RERE: variants seen among roughly 807,000 people sequenced by gnomAD.
RERE encodes arginine-glutamic acid dipeptide repeats protein.
In RERE, 40 loss-of-function variants were observed where a neutral mutation model predicts 146.1. The observed-to-expected ratio is 0.27, with a 90% CI of 0.21 to 0.36. The LOEUF (loss-of-function observed/expected upper bound fraction) is 0.36. RERE is among the 10% of genes least tolerant of loss of function. The probability of loss-of-function intolerance (pLI) is 1.00; values close to 1 mark genes in which losing one functional copy is unlikely to be tolerated. For missense variants in RERE, 1,933 were observed against 2,138.7 expected (o/e 0.90, Z 1.90); for synonymous variants, 1,003 against 866.0 (o/e 1.16, Z -2.78).
At chr1:8,380,617 G>T in intron 12 of RERE, 1 of 353,116 alleles carries the variant, frequency 2.8e-6, no homozygotes, top group Non-Finnish European at 5.6e-6. Flanking sequence ...AAAGTGCTGG[G>T]ATTACAGGCG....
At chr1:8,814,969 C>T (rs1022627893) in intron 1 of RERE, among the ~76,000 whole-genome samples, 41 of 152,208 alleles carry the variant, frequency 2.7e-4, no homozygotes, top group African/African-American at 9.2e-4. Flanking sequence ...GGGGAAGTGG[C>T]ATTTGCAGAA....
intron 4 of RERE, among the ~76,000 whole-genome samples, chr1:8,588,490 C>CT (rs1169530039): frequency 6.6e-6 from 1 of 152,094 alleles, no homozygotes; most frequent in East Asian, 1.9e-4. Flanking sequence ...TAACTCTGGC[C>CT]TAGGGCATCC....
At chr1:8,589,017 G>A (rs903629236) in intron 4 of RERE, among the ~76,000 whole-genome samples, 2 of 151,988 alleles carry the variant, frequency 1.3e-5, no homozygotes, top group Non-Finnish European at 2.9e-5. Context: ...CCAGCTACTT[G>A]GGAGGATGAG....
At chr1:8,573,901 G>GCTCAAGCTCTCCTCCTAC (rs1553186987) in intron 4 of RERE, among the ~76,000 whole-genome samples, 2 of 152,104 alleles carry the variant, frequency 1.3e-5, no homozygotes, top group African/African-American at 4.8e-5. Context: ...GACCTCCTGG[G>GCTCAAGCTCTCCTCCTAC]CTCAAGCTCT....
At chr1:8,411,327 T>C (rs1643609817) in intron 12 of RERE, among the ~76,000 whole-genome samples, 1 of 151,778 alleles carries the variant, frequency 6.6e-6, no homozygotes, top group Admixed American at 6.6e-5. Flanking sequence ...CTTTTTTTTT[T>C]TTTTTTTAAA....
intron 12 of RERE, among the ~76,000 whole-genome samples, chr1:8,379,295 C>T (rs1642364580): frequency 2.0e-5 from 3 of 152,052 alleles, no homozygotes; most frequent in African/African-American, 4.8e-5. Flanking sequence ...GGGCTGGGCC[C>T]GCCCCGCACA....
chr1:8,668,079 A>G (rs376489700), intron 1 of RERE, among the ~76,000 whole-genome samples: 2 of 152,248 alleles, frequency 1.3e-5, no homozygotes, highest in South Asian at 2.1e-4. Flanking sequence ...TGCTTTAAAC[A>G]AATTATTTGC....
At chr1:8,748,733 T>C (rs1230679338) in intron 1 of RERE, among the ~76,000 whole-genome samples, 1 of 152,188 alleles carries the variant, frequency 6.6e-6, no homozygotes, top group Non-Finnish European at 1.5e-5. Flanking sequence ...CCTTTTGTCT[T>C]TCTTCCCAGC....
intron 1 of RERE, among the ~76,000 whole-genome samples, chr1:8,687,734 T>G (rs941838402): frequency 1.3e-5 from 2 of 152,230 alleles, no homozygotes; most frequent in Non-Finnish European, 2.9e-5. Flanking sequence ...AAGGGAGTCA[T>G]CAGTCATTGA....
chr1:8,486,755 TAAA>T (rs33956517), intron 10 of RERE, among the ~76,000 whole-genome samples: 1 of 122,346 alleles, frequency 8.2e-6, no homozygotes, highest in Non-Finnish European at 1.7e-5. Flanking sequence ...GAGTCCATCT[TAAA>T]AAAAAAAAAA....
At chr1:8,399,320 T>C (rs1643168531) in intron 12 of RERE, among the ~76,000 whole-genome samples, 1 of 152,216 alleles carries the variant, frequency 6.6e-6, no homozygotes, top group Admixed American at 6.5e-5. Flanking sequence ...AATGTTCTAT[T>C]TTCTTACAGT....
At chr1:8,469,488 A>C (rs946140130) in intron 10 of RERE, among the ~76,000 whole-genome samples, 1 of 152,144 alleles carries the variant, frequency 6.6e-6, no homozygotes, top group African/African-American at 2.4e-5. Context: ...GCACAGTGGC[A>C]GGGGCCTATA....
intron 7 of RERE, among the ~76,000 whole-genome samples, chr1:8,512,262 T>C (rs1645351575): frequency 1.3e-5 from 2 of 150,508 alleles, no homozygotes; most frequent in African/African-American, 4.9e-5. Flanking sequence ...CTCGATCTCC[T>C]GACCTCATGA....
intron 6 of RERE, among the ~76,000 whole-genome samples, chr1:8,543,815 A>G (rs970569980): frequency 6.6e-6 from 1 of 152,198 alleles, no homozygotes; most frequent in African/African-American, 2.4e-5. Flanking sequence ...AAGCAACAGG[A>G]ATAGAAGCAT....
intron 1 of RERE, among the ~76,000 whole-genome samples, chr1:8,742,928 A>G (rs768632192): frequency 6.6e-6 from 1 of 151,244 alleles, no homozygotes; most frequent in Non-Finnish European, 1.5e-5. Context: ...GTTATTGCTT[A>G]TTTATATCAT....
intron 1 of RERE, among the ~76,000 whole-genome samples, chr1:8,747,964 G>C (rs953699761): frequency 6.6e-6 from 1 of 152,082 alleles, no homozygotes; most frequent in Non-Finnish European, 1.5e-5. Flanking sequence ...TTTTAGTAGA[G>C]ATGGGGTTTC....
chr1:8,584,961 A>G (rs1254144863), intron 4 of RERE, among the ~76,000 whole-genome samples: 1 of 152,086 alleles, frequency 6.6e-6, no homozygotes, highest in Non-Finnish European at 1.5e-5. Flanking sequence ...AGCTTGGCCA[A>G]CGTGGTGAAA....
At chr1:8,465,854 G>T in intron 11 of RERE, 71 bp downstream of exon 11, 1 of 1,262,834 alleles carries the variant, frequency 7.9e-7, no homozygotes, top group Non-Finnish European at 1.2e-6. Context: ...CTGAGCAGCA[G>T]GGAGGTCACA....
chr1:8,615,677 A>T (rs1247068547), intron 3 of RERE, among the ~76,000 whole-genome samples: 1 of 152,228 alleles, frequency 6.6e-6, no homozygotes, highest in East Asian at 1.9e-4. Flanking sequence ...GTCCTGTTAC[A>T]CATAATTCCC....
Sources: gnomAD v4.1 joint callset for allele counts (sites outside exome capture counted in the v4.1 genomes callset) on GRCh38, gnomAD v4.1.1 for gene constraint, MANE v1.5 for transcripts, NCBI Gene and HGNC (gene_info 2026-07-23, HGNC 2026-07-21) for gene names.